The following SLC30A10 variants were observed in gnomAD, a reference collection of about 807,000 sequenced individuals.
The protein encoded by SLC30A10 is solute carrier family 30 member 10.
Under a neutral mutation model 21.7 loss-of-function variants are expected in SLC30A10, and 8 were observed. That is an observed-to-expected ratio of 0.37 (90% CI 0.22 to 0.67). SLC30A10 has a LOEUF of 0.67. SLC30A10 is among the 30% of genes least tolerant of loss of function. The pLI is 0.58. For synonymous variants in SLC30A10, 272 were observed against 279.4 expected (o/e 0.97, Z 0.26); for missense variants, 521 against 642.5 (o/e 0.81, Z 2.04).
chr1:219,944,013 TG>T (rs1038804901), intron 1 of SLC30A10, among the ~76,000 whole-genome samples: 8 of 148,886 alleles, frequency 5.4e-5, no homozygotes, highest in Admixed American at 5.4e-4. Flanking sequence ...GGTAGGAGAA[TG>T]GCGTGAACCC....
chr1:219,939,294 G>C (rs962365154), intron 1 of SLC30A10, among the ~76,000 whole-genome samples: 14 of 152,176 alleles, frequency 9.2e-5, no homozygotes, highest in African/African-American at 3.1e-4. Flanking sequence ...GATCCAGGCA[G>C]CTATTAAAAG....
intron 1 of SLC30A10, among the ~76,000 whole-genome samples, chr1:219,944,186 G>A (rs995654239): frequency 2.0e-5 from 3 of 146,908 alleles, no homozygotes; most frequent in Admixed American, 1.4e-4. Flanking sequence ...GACAGCTTAC[G>A]CCTATAATCC....
intron 1 of SLC30A10, among the ~76,000 whole-genome samples, chr1:219,949,868 C>A: frequency 6.6e-6 from 1 of 152,046 alleles, no homozygotes; most frequent in Non-Finnish European, 1.5e-5. Context: ...CTATTGTCTC[C>A]ATCAAAAGAA....
At position 219,948,058 on chromosome 1, in the gene SLC30A10, C is replaced by T. The variant is rs1278073685; in HGVS notation, n.80+10510G>A. On this transcript the variant is annotated intron_variant and non_coding_transcript_variant, in intron 1 of 8. Coordinates refer to the SLC30A10 transcript ENST00000484239. ...ACCTAGGAATCCAACTTACAAGGGA[C>T]GTGAAGGATCTCTTCAAGGAGAACT... 2.4e-4 allele frequency among the ~76,000 whole-genome samples: 36 copies of T among 151,802 alleles called. No individual in the cohort carries two copies. In the East Asian group the frequency reaches 4.3e-3, roughly 18 times the overall value.
intron 1 of SLC30A10, among the ~76,000 whole-genome samples, chr1:219,937,817 A>C (rs1451246514): frequency 6.6e-6 from 1 of 152,154 alleles, no homozygotes; most frequent in Non-Finnish European, 1.5e-5. Flanking sequence ...GTCTCAAAAA[A>C]CTAGAATAAT....
chr1:219,955,722 CTAGT>C (rs906738889), intron 1 of SLC30A10, among the ~76,000 whole-genome samples: 13 of 152,146 alleles, frequency 8.5e-5, no homozygotes, highest in African/African-American at 2.7e-4. Context: ...AGCAAAATCT[CTAGT>C]TAGAGATTCC....
In SLC30A10 at chr1:219,911,569, T is replaced by C. The variant is rs902775750; in HGVS notation, c.*3880A>G. On this transcript the variant is annotated 3_prime_UTR_variant, in exon 4 of 4. Transcript: ENST00000366926. Reference sequence around the variant, plus strand: ...TTTTTCTTCATTTCATTTACTGTTATAATGACTGATGAGTATAAAGGGATT... The same window carrying C: ...TTTTTCTTCATTTCATTTACTGTTACAATGACTGATGAGTATAAAGGGATT... 2.0e-5 allele frequency among the ~76,000 whole-genome samples: 3 copies of C among 152,218 alleles called. No homozygotes were observed. The highest frequency in any genetic ancestry group is 6.5e-5 in the Admixed American group (1 of 15,276).
chr1:219,945,174 G>A (rs1660171164), intron 1 of SLC30A10, among the ~76,000 whole-genome samples: 1 of 152,202 alleles, frequency 6.6e-6, no homozygotes, highest in South Asian at 2.1e-4. Flanking sequence ...GAGATAGGGT[G>A]TAAAGGTAGG....
chr1:219,944,076 G>T (rs150220703), intron 1 of SLC30A10, among the ~76,000 whole-genome samples: 6,339 of 151,302 alleles, frequency 0.042, 320 homozygotes, highest in African/African-American at 0.12. Flanking sequence ...CTCCAGCCTG[G>T]GTGACAGAGT....
chr1:219,955,422 T>C (rs1208390044), intron 1 of SLC30A10, among the ~76,000 whole-genome samples: 1 of 152,188 alleles, frequency 6.6e-6, no homozygotes. Context: ...TTCCAAGTTT[T>C]CTCATCTCAG....
At chr1:219,950,162 G>A (rs759469008) in intron 1 of SLC30A10, among the ~76,000 whole-genome samples, 1 of 152,166 alleles carries the variant, frequency 6.6e-6, no homozygotes, top group Non-Finnish European at 1.5e-5. Flanking sequence ...TTCTTCATCT[G>A]TATCTTGGAA....
rs868027996 is a variant in SLC30A10 at position 219,942,617 on chromosome 1, A to C, written n.81-15512T>G. Among the ~76,000 whole-genome samples, 6 of 152,250 alleles carry C rather than the reference A, an allele frequency of 3.9e-5. No homozygotes were observed. In the South Asian group the frequency reaches 1.2e-3, roughly 32 times the overall value. ...AATAACTCAGGCAAACAATTTTTTA[A>C]GTATTTACAAGTTGGTAATGCCCTC... is the stretch of plus-strand genomic sequence containing the variant. On this transcript the variant is annotated intron_variant and non_coding_transcript_variant, in intron 1 of 8. Transcript: ENST00000484239.
rs1033046854 is a variant in SLC30A10, at chr1:219,915,244, A to T, written c.*205T>A. The T allele has an allele frequency of 3.2e-6, 2 of 621,492 alleles. No homozygotes were observed. Among genetic ancestry groups the T allele is most frequent in the Admixed American group, 5.8e-5 (2 of 34,252 alleles). The allele number at this position is 621,492 out of a possible 1,614,324, so 38.5% of individuals were successfully genotyped here. The stretch of plus-strand genomic sequence containing the variant: ...TGAAACAGTCAAAGAGCAGCATGAG[A>T]CACCCAGGGGAATGGAAAGGAGTTA... On this transcript the variant is annotated 3_prime_UTR_variant, in exon 4 of 4. Coordinates refer to ENST00000366926, the MANE Select transcript of SLC30A10 (RefSeq NM_018713.3).
intron 1 of SLC30A10, among the ~76,000 whole-genome samples, chr1:219,943,538 T>A (rs1292933845): frequency 6.6e-6 from 1 of 152,094 alleles, no homozygotes; most frequent in Non-Finnish European, 1.5e-5. Flanking sequence ...ACTCAGAATG[T>A]CCAGGATTCA....
Position 219,940,304 on chromosome 1 carries a change from G to A in SLC30A10, n.81-13199C>T, listed in dbSNP as rs75302505. On this transcript the variant is annotated intron_variant and non_coding_transcript_variant, in intron 1 of 8. Transcript: ENST00000484239. Reference sequence around the variant, plus strand: ...CCTATACATTGAGACCTTCCAGCCCGGATGCCAGACCTATAAGTGAATGAG... The same window carrying A: ...CCTATACATTGAGACCTTCCAGCCCAGATGCCAGACCTATAAGTGAATGAG... 9.1e-4 allele frequency among the ~76,000 whole-genome samples: 139 copies of A among 152,260 alleles called. 1 individual carries two copies. The East Asian group carries it at 0.023, about 26-fold the overall frequency.
At chr1:219,944,033 G>C (rs1660152421) in intron 1 of SLC30A10, among the ~76,000 whole-genome samples, 1 of 151,240 alleles carries the variant, frequency 6.6e-6, no homozygotes, top group Admixed American at 6.6e-5. Context: ...CCAGGAGGTG[G>C]AGTTTGCAGT....
chr1:219,934,020 G>A (rs1189768350), intron 1 of SLC30A10, among the ~76,000 whole-genome samples: 2 of 152,116 alleles, frequency 1.3e-5, no homozygotes, highest in African/African-American at 2.4e-5. Context: ...CGGGTGTGGT[G>A]GCTCACATCT....
chr1:219,949,256 G>A (rs1331870449), intron 1 of SLC30A10, among the ~76,000 whole-genome samples: 1 of 151,894 alleles, frequency 6.6e-6, no homozygotes, highest in Non-Finnish European at 1.5e-5. Context: ...CCCATTACTG[G>A]GTATATACCC....
intron 1 of SLC30A10, among the ~76,000 whole-genome samples, chr1:219,927,396 AG>A (rs927058795): frequency 2.6e-5 from 4 of 151,800 alleles, no homozygotes; most frequent in South Asian, 2.1e-4. Context: ...ATGGGCAAAG[AG>A]GGGGGGAGAA....
Sources: allele counts gnomAD v4.1 joint callset (sites outside exome capture counted in the v4.1 genomes callset), GRCh38; gene constraint gnomAD v4.1.1; transcripts MANE v1.5; gene names NCBI Gene and HGNC (gene_info 2026-07-23, HGNC 2026-07-21).